Variants in ZNF469 observed in about 807,000 individuals in gnomAD.
ZNF469 encodes zinc finger protein 469.
ZNF469 carries 1 observed loss-of-function variant against 1.0 expected under a neutral mutation model. That is an observed-to-expected ratio of 1.00 (90% CI 0.35 to 4.73). The LOEUF (loss-of-function observed/expected upper bound fraction) is 4.73, where lower values mean the gene tolerates loss of function less well. Among genes scored for constraint, ZNF469 ranks in the 30% most tolerant of loss-of-function variants. ZNF469 has a pLI of 0.16. For synonymous variants in ZNF469, 2,703 were observed against 2,363.4 expected (o/e 1.14, Z -4.17); for missense variants, 6,100 against 5,356.3 (o/e 1.14, Z -4.33).
At position 88,433,988 on chromosome 16, in the gene ZNF469, C is replaced by A. The variant is rs572334434; in HGVS notation, c.6518C>A (p.Ala2173Glu). Reference protein sequence around the residue: ...QQLLACSPAWAPLEEADGVQA... With the variant: ...QQLLACSPAWEPLEEADGVQA... ...CTGCTGGCCTGTTCTCCTGCCTGGG[C>A]ACCTCTGGAAGAGGCAGATGGCGTC... Residue 2173 changes from alanine to glutamate, a missense_variant, in exon 3 of 3, where the codon GCA becomes GAA. Coordinates refer to ENST00000565624, the MANE Select transcript of ZNF469 (RefSeq NM_001367624.2). 9 of 1,550,284 alleles carry A rather than the reference C, an allele frequency of 5.8e-6. No individual in the cohort carries two copies. The African/African-American group carries it at 8.2e-5, about 14-fold the overall frequency.
At chr16:88,167,583 C>G in the ZNF469 span, among the ~76,000 whole-genome samples, 1 of 152,228 alleles carries the variant, frequency 6.6e-6, no homozygotes, top group Admixed American at 6.5e-5. Flanking sequence ...ACCTCCTGCC[C>G]TGGCCCTGGT....
At chr16:88,188,647 G>A in the ZNF469 span, among the ~76,000 whole-genome samples, 33 of 152,300 alleles carry the variant, frequency 2.2e-4, 1 homozygote, top group East Asian at 4.4e-3. Flanking sequence ...CAGAACTTGC[G>A]TATCAAACAA....
chr16:88,300,457 C>T, the ZNF469 span, among the ~76,000 whole-genome samples: 4 of 152,046 alleles, frequency 2.6e-5, no homozygotes, highest in Admixed American at 1.3e-4. Flanking sequence ...GGTGCAGCAT[C>T]CCCCAGGGCC....
At chr16:88,329,203 G>A in the ZNF469 span, among the ~76,000 whole-genome samples, 4 of 152,202 alleles carry the variant, frequency 2.6e-5, no homozygotes, top group Admixed American at 2.0e-4. Context: ...GGCCGCTGCT[G>A]TCCGTGACTG....
In ZNF469 at chr16:88,424,720, G is replaced by A. The variant is rs560194467; in HGVS notation, c.-191-87G>A. ...CCACAGCCGGCTCTGCCCAGGAGCC[G>A]CTCCCTCCCACCTGGCTTCTCCTCG... On this transcript the variant is annotated intron_variant, in intron 1 of 2. Coordinates refer to ENST00000565624, the MANE Select transcript of ZNF469 (RefSeq NM_001367624.2). The surrounding 1 kb of genome is among the most constrained non-coding windows in gnomAD (Gnocchi z 4.3). Among the ~76,000 whole-genome samples the A allele has an allele frequency of 3.3e-5, 5 of 152,184 alleles. No homozygotes were observed. In the South Asian group the frequency reaches 6.2e-4, roughly 19 times the overall value.
the ZNF469 span, among the ~76,000 whole-genome samples, chr16:88,125,339 T>G: frequency 6.6e-6 from 1 of 152,232 alleles, no homozygotes; most frequent in African/African-American, 2.4e-5. Context: ...CCTTTGCATT[T>G]CAGAAATTCA....
At chr16:88,132,932 A>G in the ZNF469 span, among the ~76,000 whole-genome samples, 5,043 of 151,994 alleles carry the variant, frequency 0.033, no homozygotes, top group African/African-American at 0.11. Flanking sequence ...CGAGCTGACC[A>G]CCACAGGTGA....
At chr16:88,235,818 C>T in the ZNF469 span, among the ~76,000 whole-genome samples, 1 of 152,198 alleles carries the variant, frequency 6.6e-6, no homozygotes, top group African/African-American at 2.4e-5. Context: ...AGGACATGTG[C>T]CGCAGGGGGT....
chr16:88,395,843 C>G (rs114684379), intron 1 of ZNF469, among the ~76,000 whole-genome samples: 2 of 152,308 alleles, frequency 1.3e-5, no homozygotes, highest in Non-Finnish European at 2.9e-5. Flanking sequence ...TCAGGCCGCA[C>G]GTCTTTCCTG....
chr16:88,433,314 G>A lies in ZNF469; in HGVS notation c.5844G>A (p.Gly1948=), dbSNP rs939102190. The A allele has an allele frequency of 1.9e-6, 3 of 1,550,250 alleles. No individual in the cohort carries two copies. Among genetic ancestry groups the A allele is most frequent in the South Asian group, 2.4e-5 (2 of 84,070 alleles). Residue 1948 remains glycine (G), a synonymous_variant, in exon 3 of 3, where the codon GGG becomes GGA. Coordinates refer to ENST00000565624, the MANE Select transcript of ZNF469 (RefSeq NM_001367624.2). ...TGGAAGGGGGCACTGTGGAAGGAGG[G>A]AAGGTGGCCTGTGGCCCCGCCCAGG... ...SGLEGGTVEG[G]KVACGPAQGS...
At chr16:88,373,776 C>G in the ZNF469 span, among the ~76,000 whole-genome samples, 1 of 152,124 alleles carries the variant, frequency 6.6e-6, no homozygotes, top group African/African-American at 2.4e-5. Context: ...GTGGACAGAT[C>G]ACTTGAGGCC....
the ZNF469 span, among the ~76,000 whole-genome samples, chr16:88,309,182 C>T: frequency 5.9e-5 from 9 of 152,380 alleles, no homozygotes; most frequent in East Asian, 1.9e-4. Context: ...GGCTGATGCT[C>T]ACCTCTCAGG....
the ZNF469 span, among the ~76,000 whole-genome samples, chr16:88,315,134 T>A: frequency 3.7e-3 from 557 of 152,348 alleles, 2 homozygotes; most frequent in African/African-American, 0.013. Context: ...AGATTATATT[T>A]TGGTGAGAGC....
intron 1 of ZNF469, among the ~76,000 whole-genome samples, chr16:88,402,444 T>A (rs1415906000): frequency 6.6e-6 from 1 of 151,948 alleles, no homozygotes; most frequent in Admixed American, 6.5e-5. Flanking sequence ...GGAGGGAGGA[T>A]GGTGAGGAGA....
chr16:88,386,620 C>T (rs893027646), intron 1 of ZNF469, among the ~76,000 whole-genome samples: 7 of 152,212 alleles, frequency 4.6e-5, no homozygotes, highest in South Asian at 2.1e-4. Flanking sequence ...CCGTCACATC[C>T]AGGGCCCTCT....
Position 88,433,051 on chromosome 16 carries a change from G to A in ZNF469, c.5581G>A (p.Gly1861Arg), listed in dbSNP as rs1906311733. The change falls in exon 3 of 3, where the codon GGG becomes AGG. Residue 1861 changes from glycine to arginine, a missense_variant. Physicochemically the swap from Gly to Arg is moderately radical, Grantham distance 125 (BLOSUM62 -2). Transcript: ENST00000565624. ...TGAGGGTAATGAGTTTGCACCGGCG[G>A]GGGCCTCCTCACTGACTGCCCCCCG... is the stretch of plus-strand genomic sequence containing the variant. ...GFEGNEFAPA[G>R]ASSLTAPRGR... 1 of 1,550,174 alleles carries A rather than the reference G, an allele frequency of 6.5e-7. No individual in the cohort carries two copies. Among genetic ancestry groups the A allele is most frequent in the African/African-American group, 1.4e-5 (1 of 73,028 alleles).
chr16:88,200,003 T>C, the ZNF469 span, among the ~76,000 whole-genome samples: 1 of 152,084 alleles, frequency 6.6e-6, no homozygotes, highest in Non-Finnish European at 1.5e-5. Context: ...CCCTGTTCCC[T>C]CCATGACCTC....
the ZNF469 span, among the ~76,000 whole-genome samples, chr16:88,140,956 C>A: frequency 1.3e-5 from 2 of 151,890 alleles, no homozygotes; most frequent in Admixed American, 6.6e-5. Flanking sequence ...AACAAAAAAA[C>A]AAAAAAATCA....
In ZNF469 at chr16:88,438,444, G is replaced by C; in HGVS notation, c.10974G>C (p.Glu3658Asp). The change falls in exon 3 of 3, where the codon GAG becomes GAC. Residue 3658 changes from glutamate to aspartate, a missense_variant. Glu to Asp is a conservative substitution (Grantham distance 45, BLOSUM62 2). Coordinates refer to ENST00000565624, the MANE Select transcript of ZNF469 (RefSeq NM_001367624.2). ...KEVSSSHMVS[E>D]GGPRGAFHKG... is the part of the protein sequence containing the mutation. ...TGTCCTCAAGCCACATGGTGTCTGAGGGGGGGCCCCGAGGCGCCTTCCACA... is the reference window on the plus strand; with the variant it reads ...TGTCCTCAAGCCACATGGTGTCTGACGGGGGGCCCCGAGGCGCCTTCCACA... The C allele has an allele frequency of 1.3e-6, 2 of 1,538,744 alleles. No individual in the cohort carries two copies. The highest frequency in any genetic ancestry group is 1.8e-6 in the Non-Finnish European group (2 of 1,137,360).
Sources: allele counts gnomAD v4.1 joint callset (sites outside exome capture counted in the v4.1 genomes callset), GRCh38; gene constraint gnomAD v4.1.1; non-coding constraint Gnocchi (gnomAD v3.1); transcripts MANE v1.5; gene names NCBI Gene and HGNC (gene_info 2026-07-23, HGNC 2026-07-21).